The following SLC12A3 variants were observed in gnomAD, a reference collection of about 807,000 sequenced individuals.
The protein encoded by SLC12A3 is solute carrier family 12 member 3, also known as Na-Cl cotransporter.
In SLC12A3, 104 loss-of-function variants were observed where a neutral mutation model predicts 121.0. The observed-to-expected ratio is 0.86, with a 90% confidence interval of 0.73 to 1.01. The LOEUF is 1.01. Ranked by LOEUF, SLC12A3 falls within the 50% of genes least tolerant of loss-of-function variation. The pLI, the probability that SLC12A3 is intolerant of heterozygous loss-of-function variation, is 0.00. For missense variants in SLC12A3, 1,328 were observed against 1,356.3 expected (o/e 0.98, Z 0.33); for synonymous variants, 536 against 533.4 (o/e 1.00, Z -0.07).
intron 13 of SLC12A3, among the ~76,000 whole-genome samples, chr16:56,883,043 G>A (rs938927309): frequency 1.3e-5 from 2 of 152,096 alleles, no homozygotes; most frequent in African/African-American, 4.8e-5. Flanking sequence ...CTTACCATCT[G>A]TAGGGGTTTT....
rs387907472 is a variant in SLC12A3 at position 56,879,081 on chromosome 16, G to T, written c.1189G>T (p.Val397Leu). 1.9e-6 allele frequency: 3 copies of T among 1,610,544 alleles called. No homozygotes were observed. The highest frequency in any genetic ancestry group is 1.7e-6 in the Non-Finnish European group (2 of 1,178,934). The change falls in exon 10 of 26, where the codon GTG becomes TTG. Residue 397 changes from valine (V) to leucine (L), a missense_variant. Val to Leu is a conservative substitution (Grantham distance 32). Transcript: ENST00000563236. ...CTCCTTCCTCCTCTCAGGCTCCTGC[G>T]TGGTGCGTGATGCCTCTGGGGTCCT... is the stretch of plus-strand genomic sequence containing the variant. The part of the protein sequence containing the change: ...LAISATIGSC[V>L]VRDASGVLND...
chr16:56,870,385 C>T, intron 5 of SLC12A3, 150 bp downstream of exon 5: 1 of 970,468 alleles, frequency 1.0e-6, no homozygotes, highest in Non-Finnish European at 1.5e-6. Flanking sequence ...GAGTGACAAT[C>T]TCATCAAATA....
chr16:56,908,936 G>A (rs1395088215), intron 25 of SLC12A3, among the ~76,000 whole-genome samples: 1 of 152,222 alleles, frequency 6.6e-6, no homozygotes, highest in Non-Finnish European at 1.5e-5. Flanking sequence ...GGCTTAATGA[G>A]TGCCGCCTCT....
chr16:56,915,622 C>T lies in SLC12A3; in HGVS notation c.*2217C>T, dbSNP rs929872108. 9 of 152,208 alleles carry T rather than the reference C, an allele frequency of 5.9e-5. No homozygotes were observed. The highest frequency in any genetic ancestry group is 2.2e-4 in the African/African-American group (9 of 41,442). 9.4% of individuals were successfully genotyped at this position (152,208 alleles called of 1,614,324 possible). ...GGAAGCATCCATCAGGGAATGCTGG[C>T]CTTTCTAGAGCCACGTAGAAAACAA... On this transcript the variant is annotated 3_prime_UTR_variant, in exon 26 of 26. Coordinates refer to ENST00000563236, the MANE Select transcript of SLC12A3 (RefSeq NM_001126108.2).
Position 56,872,380 on chromosome 16 carries a change from G to A in SLC12A3, c.882G>A (p.Met294Ile), listed in dbSNP as rs761759254. ...KAQVLFFLVI[M>I]VSFANYLVGT... ...AGGTGCTGTTCTTCCTTGTCATCAT[G>A]GTCTCCTTTGCCAACTATTTAGTGG... The change falls in exon 7 of 26, where the codon ATG becomes ATA. Residue 294 changes from methionine (M) to isoleucine (I), a missense_variant. Physicochemically the swap from Met to Ile is conservative, Grantham distance 10. Coordinates refer to ENST00000563236, the MANE Select transcript of SLC12A3 (RefSeq NM_001126108.2). 6.2e-7 allele frequency: 1 copy of A among 1,614,062 alleles called. No individual in the cohort carries two copies. Among genetic ancestry groups the A allele is most frequent in the Non-Finnish European group, 8.5e-7 (1 of 1,180,028 alleles).
chr16:56,890,169 TG>T, intron 18 of SLC12A3, 104 bp from the exon 19 acceptor site: 1 of 831,454 alleles, frequency 1.2e-6, no homozygotes. Context: ...AGAAAGGGCG[TG>T]GTAGGAAGCA....
intron 21 of SLC12A3, among the ~76,000 whole-genome samples, chr16:56,893,387 T>C (rs1272406027): frequency 6.6e-6 from 1 of 152,064 alleles, no homozygotes; most frequent in African/African-American, 2.4e-5. Context: ...ATATAACCTC[T>C]CCCATTAAAA....
chr16:56,871,316 G>A (rs2055094060), intron 6 of SLC12A3, among the ~76,000 whole-genome samples: 1 of 152,224 alleles, frequency 6.6e-6, no homozygotes, highest in African/African-American at 2.4e-5. Flanking sequence ...AAAGAAGGGG[G>A]AAATGAAAGG....
Position 56,885,244 on chromosome 16 carries a change from G to A in SLC12A3, c.1826-21G>A, listed in dbSNP as rs374597447. On this transcript the variant is annotated intron_variant, in intron 14 of 25. Coordinates refer to ENST00000563236, the MANE Select transcript of SLC12A3 (RefSeq NM_001126108.2). ...GATTCCTAACTCTGCTCTCACCCCC[G>A]TTGCTCCCTTGCTCTCCCAGAGGTA... 8.9e-4 allele frequency: 1,276 copies of A among 1,433,358 alleles called. 1 individual carries two copies. The highest frequency in any genetic ancestry group is 1.2e-3 in the Non-Finnish European group (1,222 of 1,039,474). 88.8% of individuals were successfully genotyped at this position (1,433,358 alleles called of 1,614,324 possible).
Position 56,873,336 on chromosome 16 carries a change from T to C in SLC12A3, c.1095+550T>C, listed in dbSNP as rs557572170. Among the ~76,000 whole-genome samples the C allele has an allele frequency of 2.0e-5, 3 of 152,106 alleles. No homozygotes were observed. In the East Asian group the frequency reaches 5.8e-4, roughly 29 times the overall value. On this transcript the variant is annotated intron_variant, in intron 8 of 25. Transcript: ENST00000563236. ...TCTACCTGCAACTCCGTACGCTTGC[T>C]TTTTTACCCTGAAAGTCTGTTCTGT...
At position 56,878,105 on chromosome 16, in the gene SLC12A3, C is replaced by A. The variant is rs1166885838; in HGVS notation, c.1124C>A (p.Thr375Asn). 6.2e-7 allele frequency: 1 copy of A among 1,606,002 alleles called. No homozygotes were observed. The highest frequency in any genetic ancestry group is 1.7e-5 in the Admixed American group (1 of 59,726). ...KDPAIAIPKG[T>N]LMAIFWTTIS... ...CCTGCTATAGCCATCCCCAAGGGGA[C>A]CCTCATGGCCATTTTCTGGACGACC... The change falls in exon 9 of 26, where the codon ACC (threonine) becomes AAC (asparagine). Residue 375 changes from threonine to asparagine, a missense_variant. Transcript: ENST00000563236.
chr16:56,873,554 TA>T (rs753224027), intron 8 of SLC12A3, among the ~76,000 whole-genome samples: 3 of 149,900 alleles, frequency 2.0e-5, no homozygotes, highest in Non-Finnish European at 3.0e-5. Flanking sequence ...ACCCGGTTAA[TA>T]TTTGTATTTT....
At chr16:56,873,444 T>G (rs187384222) in intron 8 of SLC12A3, among the ~76,000 whole-genome samples, 1 of 128,986 alleles carries the variant, frequency 7.8e-6, no homozygotes. Flanking sequence ...TGGAGTGCAA[T>G]GGCATGATCT....
intron 1 of SLC12A3, among the ~76,000 whole-genome samples, chr16:56,865,918 C>A (rs1964342713): frequency 6.6e-6 from 1 of 152,134 alleles, no homozygotes; most frequent in African/African-American, 2.4e-5. Context: ...TGTCATGACC[C>A]CTGTCTGGCC....
chr16:56,878,341 G>A (rs930761672), intron 9 of SLC12A3, among the ~76,000 whole-genome samples, 180 bp downstream of exon 9: 5 of 152,066 alleles, frequency 3.3e-5, no homozygotes, highest in Admixed American at 6.5e-5. Flanking sequence ...TATCTCTGGG[G>A]TATCTTGGCA....
intron 25 of SLC12A3, chr16:56,904,789 G>A (rs2055585357): frequency 2.7e-6 from 1 of 370,510 alleles, no homozygotes; most frequent in Non-Finnish European, 5.2e-6. Flanking sequence ...CTTTCAAGAG[G>A]GACATCAACT....
chr16:56,875,324 A>G (rs1337406088), intron 8 of SLC12A3, among the ~76,000 whole-genome samples: 1 of 152,188 alleles, frequency 6.6e-6, no homozygotes, highest in African/African-American at 2.4e-5. Flanking sequence ...TGGGACGAGT[A>G]CAGCCCCCAT....
chr16:56,886,823 C>T, intron 16 of SLC12A3, 130 bp from the exon 17 acceptor site: 1 of 1,260,536 alleles, frequency 7.9e-7, no homozygotes, highest in South Asian at 1.3e-5. Context: ...TTTCCCTTAT[C>T]TGGGCAAAAG....
chr16:56,894,562 C>A lies in SLC12A3; in HGVS notation c.2553C>A (p.Gly851=), dbSNP rs1285726262. ...CCCTCCTCATTCCCTATCTCCTTGG[C>A]CGCAAGAGGAGGTGGAGCAAATGCA... The part of the protein sequence containing the change: ...GLTLLIPYLL[G]RKRRWSKCKI... The change falls in exon 22 of 26, where the codon GGC becomes GGA. Residue 851 remains glycine, a synonymous_variant. Coordinates refer to ENST00000563236, the MANE Select transcript of SLC12A3 (RefSeq NM_001126108.2). 1.2e-6 allele frequency: 2 copies of A among 1,613,978 alleles called. No individual in the cohort carries two copies. The highest frequency in any genetic ancestry group is 1.7e-5 in the Admixed American group (1 of 60,002).
Sources: allele counts gnomAD v4.1 joint callset (sites outside exome capture counted in the v4.1 genomes callset), GRCh38; gene constraint gnomAD v4.1.1; transcripts MANE v1.5; gene names NCBI Gene and HGNC (gene_info 2026-07-23, HGNC 2026-07-21).